The following FAM227B variants were observed in gnomAD, a reference collection of about 807,000 sequenced individuals.
FAM227B encodes protein FAM227B.
In FAM227B, 88 loss-of-function variants were observed where a neutral mutation model predicts 73.8. The ratio of observed to expected loss-of-function variants is 1.19; its 90% CI spans 1.00 to 1.42. FAM227B has a LOEUF of 1.42. FAM227B is among the 40% of genes most tolerant of loss of function. The pLI is 0.00. For synonymous variants in FAM227B, 210 were observed against 190.5 expected (o/e 1.10, Z -0.84); for missense variants, 632 against 590.9 (o/e 1.07, Z -0.72).
Position 49,563,708 on chromosome 15 carries a change from C to T in FAM227B, c.747+4537G>A, listed in dbSNP as rs151332364. On this transcript the variant is annotated intron_variant, in intron 9 of 15. Coordinates refer to ENST00000299338, the MANE Select transcript of FAM227B (RefSeq NM_152647.3). ...AGCTGCACACTTATAAACATCTGAT[C>T]TTCAACAAGTAGACAAAACAAGCAA... is the stretch of plus-strand genomic sequence containing the variant. Among the ~76,000 whole-genome samples the T allele has an allele frequency of 1.8e-4, 27 of 152,186 alleles. No homozygotes were observed. In the East Asian group the frequency reaches 4.4e-3, roughly 25 times the overall value.
chr15:49,529,060 T>C (rs564466991), intron 10 of FAM227B, among the ~76,000 whole-genome samples: 3 of 151,762 alleles, frequency 2.0e-5, no homozygotes, highest in East Asian at 3.9e-4. Flanking sequence ...AATAGCAAAG[T>C]CTTGGAATAA....
At chr15:49,338,076 C>G (rs2040066952) in intron 13 of FAM227B, among the ~76,000 whole-genome samples, 1 of 152,134 alleles carries the variant, frequency 6.6e-6, no homozygotes, top group Non-Finnish European at 1.5e-5. Context: ...TGAGGAATTG[C>G]CACATTGTCT....
chr15:49,428,142 G>A (rs191185539), intron 11 of FAM227B, among the ~76,000 whole-genome samples: 1 of 151,982 alleles, frequency 6.6e-6, no homozygotes, highest in Admixed American at 6.6e-5. Flanking sequence ...CCACATTTCT[G>A]ACTCTTGAGG....
chr15:49,441,221 C>T (rs1387782137), intron 11 of FAM227B, among the ~76,000 whole-genome samples: 1 of 151,570 alleles, frequency 6.6e-6, no homozygotes, highest in East Asian at 1.9e-4. Context: ...AACAATACTG[C>T]CAATGTTGCC....
intron 11 of FAM227B, among the ~76,000 whole-genome samples, chr15:49,406,392 G>A (rs1366466434): frequency 6.6e-6 from 1 of 152,156 alleles, no homozygotes; most frequent in Non-Finnish European, 1.5e-5. Context: ...ATCCCTGCTG[G>A]TGACTGCAGG....
intron 1 of FAM227B, among the ~76,000 whole-genome samples, chr15:49,617,193 T>C (rs1029446572): frequency 3.9e-5 from 6 of 152,182 alleles, no homozygotes; most frequent in East Asian, 1.9e-4. Flanking sequence ...CTAAAGATTA[T>C]TATTTATGGA....
At chr15:49,464,985 C>A (rs2054133425) in intron 11 of FAM227B, among the ~76,000 whole-genome samples, 1 of 152,014 alleles carries the variant, frequency 6.6e-6, no homozygotes, top group Non-Finnish European at 1.5e-5. Flanking sequence ...TAACTAGTTT[C>A]TAATTAAGAA....
chr15:49,402,682 G>A lies in FAM227B; in HGVS notation c.1013-31283C>T, dbSNP rs932956139. Among the ~76,000 whole-genome samples the A allele has an allele frequency of 9.2e-5, 14 of 152,240 alleles. No individual in the cohort carries two copies. In the East Asian group the frequency reaches 2.7e-3, roughly 29 times the overall value. On this transcript the variant is annotated intron_variant, in intron 11 of 15. Transcript: ENST00000299338. ...TGTTTATCAGCTTAAGAAGCTTTTG[G>A]ACTGAGACAATGGGGTTTTCTAGAT...
At chr15:49,573,654 C>T (rs533927314) in intron 8 of FAM227B, among the ~76,000 whole-genome samples, 3 of 152,246 alleles carry the variant, frequency 2.0e-5, no homozygotes, top group East Asian at 3.9e-4. Flanking sequence ...CACCACATGC[C>T]GGTCCCTCTA....
intron 11 of FAM227B, among the ~76,000 whole-genome samples, chr15:49,401,179 A>T (rs71394969): frequency 5.3e-5 from 8 of 152,262 alleles, no homozygotes; most frequent in African/African-American, 1.9e-4. Context: ...CCCCATCAAA[A>T]AGTGGGCGAA....
chr15:49,578,363 T>C (rs908749749), intron 5 of FAM227B, among the ~76,000 whole-genome samples: 1 of 152,200 alleles, frequency 6.6e-6, no homozygotes, highest in African/African-American at 2.4e-5. Context: ...CATATTTTAA[T>C]GTCTACTACA....
chr15:49,456,123 A>C (rs113643769), intron 11 of FAM227B, among the ~76,000 whole-genome samples: 3,584 of 152,232 alleles, frequency 0.024, 94 homozygotes, highest in South Asian at 0.13. Flanking sequence ...TCTGTATTAT[A>C]ATTTTGTTAA....
intron 10 of FAM227B, among the ~76,000 whole-genome samples, chr15:49,530,783 A>C (rs1462965751): frequency 1.3e-5 from 2 of 151,804 alleles, no homozygotes; most frequent in Non-Finnish European, 2.9e-5. Context: ...CTTATTTGTA[A>C]ACTCATTTGA....
rs968302596 is a variant in FAM227B at position 49,489,313 on chromosome 15, C to T, written c.1012+18898G>A. On this transcript the variant is annotated intron_variant, in intron 11 of 15. Transcript: ENST00000299338. ...TGGCTTTCAGTGGGCATCCATTCAT[C>T]AGAGAAAGAGATGAAATATGTATAT... 5.1e-6 allele frequency: 5 copies of T among 983,382 alleles called. No individual in the cohort carries two copies. In the African/African-American group the frequency reaches 5.3e-5, roughly 10 times the overall value. The allele number at this position is 983,382 out of a possible 1,614,324, so 60.9% of individuals were successfully genotyped here. A position where few individuals can be genotyped will look rare whatever the true frequency, so the allele number is the denominator to read the frequency against.
intron 11 of FAM227B, among the ~76,000 whole-genome samples, chr15:49,397,794 T>C (rs2047802492): frequency 6.6e-6 from 1 of 152,014 alleles, no homozygotes; most frequent in Non-Finnish European, 1.5e-5. Flanking sequence ...GACAAGCAAA[T>C]GCTGAGACAT....
At chr15:49,379,694 G>T (rs2046396559) in intron 11 of FAM227B, among the ~76,000 whole-genome samples, 1 of 152,104 alleles carries the variant, frequency 6.6e-6, no homozygotes. Flanking sequence ...GAATCCTCTG[G>T]ATTACAAGGT....
chr15:49,461,040 A>C (rs1198753634), intron 11 of FAM227B, among the ~76,000 whole-genome samples: 1 of 152,022 alleles, frequency 6.6e-6, no homozygotes, highest in Non-Finnish European at 1.5e-5. Context: ...TGAAAATACT[A>C]CCCTTCATCC....
chr15:49,591,963 T>C (rs1054160758), intron 3 of FAM227B, among the ~76,000 whole-genome samples: 1 of 152,228 alleles, frequency 6.6e-6, no homozygotes, highest in Non-Finnish European at 1.5e-5. Flanking sequence ...CTTGATCGAA[T>C]TGGCTATTGA....
At chr15:49,371,522 A>G in intron 11 of FAM227B, 123 bp from the exon 12 acceptor site, 1 of 501,010 alleles carries the variant, frequency 2.0e-6, no homozygotes, top group Non-Finnish European at 3.6e-6. Flanking sequence ...AACATGGATA[A>G]AGAGTGTTAA....
Sources: gnomAD v4.1 joint callset for allele counts (sites outside exome capture counted in the v4.1 genomes callset) on GRCh38, gnomAD v4.1.1 for gene constraint, MANE v1.5 for transcripts, NCBI Gene and HGNC (gene_info 2026-07-23, HGNC 2026-07-21) for gene names.